The following OSBPL1A variants were observed in gnomAD, a reference collection of about 807,000 sequenced individuals.
The protein encoded by OSBPL1A is oxysterol-binding protein-related protein 1.
Under a neutral mutation model 137.1 loss-of-function variants are expected in OSBPL1A, and 80 were observed. The ratio of observed to expected loss-of-function variants is 0.58; its 90% CI spans 0.49 to 0.70. The LOEUF is 0.70. Ranked by LOEUF, OSBPL1A falls within the 30% of genes least tolerant of loss-of-function variation. The pLI, the probability that OSBPL1A is intolerant of heterozygous loss-of-function variation, is 0.00. For synonymous variants in OSBPL1A, 365 were observed against 389.7 expected (o/e 0.94, Z 0.75); for missense variants, 970 against 1,129.4 (o/e 0.86, Z 2.02).
intron 18 of OSBPL1A, among the ~76,000 whole-genome samples, chr18:24,186,887 G>A (rs1421850876): frequency 1.5e-4 from 16 of 109,868 alleles, no homozygotes; most frequent in Non-Finnish European, 6.9e-5. Context: ...CTGGGCGACA[G>A]AACAAGACTC....
intron 5 of OSBPL1A, among the ~76,000 whole-genome samples, chr18:24,338,253 T>G (rs1489272632): frequency 1.3e-5 from 2 of 151,392 alleles, no homozygotes; most frequent in Non-Finnish European, 2.9e-5. Context: ...TTTTTTTTTT[T>G]GTATTTTTAG....
chr18:24,305,631 TTG>T (rs1312436015), intron 13 of OSBPL1A, among the ~76,000 whole-genome samples: 1 of 152,268 alleles, frequency 6.6e-6, no homozygotes. Context: ...TTTCTCATTT[TTG>T]ACTTCTATGC....
chr18:24,385,980 T>G (rs914731805), intron 1 of OSBPL1A, among the ~76,000 whole-genome samples: 31 of 152,256 alleles, frequency 2.0e-4, no homozygotes, highest in Admixed American at 2.0e-4. Context: ...AAGAAAGCAC[T>G]GCACCAAGGC....
rs573688409 is a variant in OSBPL1A at position 24,227,525 on chromosome 18, G to A, written c.1445-2327C>T. On this transcript the variant is annotated intron_variant, in intron 16 of 27. Transcript: ENST00000319481. ...AGGTAAACAGATGTCTGAAAACATG[G>A]GAGCAATACAATGACAGAAGTTTGT... 2.0e-5 allele frequency among the ~76,000 whole-genome samples: 3 copies of A among 152,306 alleles called. No homozygotes were observed. In the South Asian group the frequency reaches 6.2e-4, roughly 32 times the overall value.
intron 21 of OSBPL1A, among the ~76,000 whole-genome samples, chr18:24,175,129 T>TAC (rs2086408780): frequency 2.8e-5 from 2 of 72,618 alleles, no homozygotes; most frequent in Admixed American, 1.3e-4. Context: ...TATATATATA[T>TAC]ATATATACAC....
chr18:24,356,861 C>A (rs2091544778), intron 4 of OSBPL1A, among the ~76,000 whole-genome samples: 1 of 152,160 alleles, frequency 6.6e-6, no homozygotes, highest in South Asian at 2.1e-4. Context: ...TGGAGGATGA[C>A]ACTGAACTTC....
At chr18:24,228,824 C>T (rs2088177746) in intron 16 of OSBPL1A, among the ~76,000 whole-genome samples, 1 of 152,162 alleles carries the variant, frequency 6.6e-6, no homozygotes, top group Non-Finnish European at 1.5e-5. Context: ...ATGCACTGTG[C>T]AGTGAGATGG....
rs74835985 is a variant in OSBPL1A, at chr18:24,314,633, T to G, written c.871-286A>C. Among the ~76,000 whole-genome samples the G allele has an allele frequency of 7.3e-3, 1,110 of 152,312 alleles. 19 individuals carry two copies. The highest frequency in any genetic ancestry group is 0.025 in the African/African-American group (1,050 of 41,578). ...ATCTTTTCTTAAGTATAACTTAACA[T>G]GCACTTGGGTTATAAAATCGTTTAG... On this transcript the variant is annotated intron_variant, in intron 11 of 27. Transcript: ENST00000319481.
intron 4 of OSBPL1A, among the ~76,000 whole-genome samples, chr18:24,345,408 C>G (rs1460485053): frequency 6.6e-6 from 1 of 152,154 alleles, no homozygotes. Flanking sequence ...GTTGAAAGGC[C>G]AGGCACTGTG....
chr18:24,324,402 A>G (rs2090926653), intron 7 of OSBPL1A, among the ~76,000 whole-genome samples: 1 of 50,306 alleles, frequency 2.0e-5, no homozygotes, highest in South Asian at 5.0e-4. Flanking sequence ...ACTAAATTTC[A>G]GATGCTTCTG....
intron 18 of OSBPL1A, among the ~76,000 whole-genome samples, chr18:24,184,919 T>A (rs916756925): frequency 3.8e-4 from 58 of 152,218 alleles, no homozygotes; most frequent in African/African-American, 1.3e-3. Context: ...GACAAAGGTC[T>A]TGCTTAATAA....
intron 15 of OSBPL1A, among the ~76,000 whole-genome samples, chr18:24,269,064 G>C (rs1266147505): frequency 6.6e-6 from 1 of 152,098 alleles, no homozygotes; most frequent in Non-Finnish European, 1.5e-5. Flanking sequence ...CATGCCGTTT[G>C]TTTCTGAAGC....
intron 15 of OSBPL1A, among the ~76,000 whole-genome samples, chr18:24,255,567 G>A (rs11083044): frequency 0.27 from 40,896 of 151,778 alleles, 6,579 homozygotes; most frequent in Middle Eastern, 0.39. Flanking sequence ...CCTATGACCT[G>A]GAAGCCTCTT....
intron 26 of OSBPL1A, 54 bp from the exon 27 acceptor site, chr18:24,165,209 G>C: frequency 6.7e-7 from 1 of 1,491,136 alleles, no homozygotes; most frequent in Non-Finnish European, 9.3e-7. Context: ...AGGATGCCAG[G>C]CACAGTATTA....
intron 14 of OSBPL1A, among the ~76,000 whole-genome samples, chr18:24,291,633 G>A (rs147985231): frequency 3.2e-4 from 48 of 152,162 alleles, no homozygotes; most frequent in African/African-American, 1.1e-3. Context: ...TAATAAATGA[G>A]TCCTTGAATT....
At chr18:24,258,819 AT>A (rs1288940872) in intron 15 of OSBPL1A, among the ~76,000 whole-genome samples, 1 of 152,038 alleles carries the variant, frequency 6.6e-6, no homozygotes, top group East Asian at 1.9e-4. Context: ...ATATATTTTA[AT>A]GTAATATAAT....
At chr18:24,232,013 A>G (rs2088299564) in intron 16 of OSBPL1A, among the ~76,000 whole-genome samples, 1 of 152,220 alleles carries the variant, frequency 6.6e-6, no homozygotes, top group South Asian at 2.1e-4. Context: ...AAGGTAACAG[A>G]AAACAGCCAG....
intron 15 of OSBPL1A, among the ~76,000 whole-genome samples, chr18:24,274,972 A>G (rs1217598128): frequency 6.6e-6 from 1 of 152,126 alleles, no homozygotes; most frequent in Non-Finnish European, 1.5e-5. Flanking sequence ...AGAAGCCAAA[A>G]GAGGCGGCAC....
intron 24 of OSBPL1A, among the ~76,000 whole-genome samples, chr18:24,169,255 C>A (rs2086214357): frequency 6.6e-6 from 1 of 152,240 alleles, no homozygotes; most frequent in South Asian, 2.1e-4. Flanking sequence ...AAGGCTAACT[C>A]CGTCTACAAA....
Sources: gnomAD v4.1 joint callset for allele counts (sites outside exome capture counted in the v4.1 genomes callset) on GRCh38, gnomAD v4.1.1 for gene constraint, MANE v1.5 for transcripts, NCBI Gene and HGNC (gene_info 2026-07-23, HGNC 2026-07-21) for gene names.